The following VDAC1 variants were observed in gnomAD, a reference collection of about 807,000 sequenced individuals.
The protein encoded by VDAC1 is voltage dependent anion channel 1, also known as non-selective voltage-gated ion channel VDAC1.
In VDAC1, 10 loss-of-function variants were observed where a neutral mutation model predicts 34.7. The ratio of observed to expected loss-of-function variants is 0.29; its 90% confidence interval spans 0.18 to 0.49. The LOEUF is 0.49. Among genes scored for constraint, VDAC1 ranks in the 20% least tolerant of loss-of-function variants. The pLI is 0.99. For missense variants in VDAC1, 230 were observed against 347.9 expected (o/e 0.66, Z 2.69); for synonymous variants, 130 against 136.0 (o/e 0.96, Z 0.30).
At chr5:133,988,307 G>C (rs1258854518) in intron 5 of VDAC1, among the ~76,000 whole-genome samples, 1 of 151,958 alleles carries the variant, frequency 6.6e-6, no homozygotes, top group Non-Finnish European at 1.5e-5. Context: ...AAAAAGGGGG[G>C]CAGGTGCAGT....
chr5:134,096,608 T>TTA, the VDAC1 span, among the ~76,000 whole-genome samples: 12 of 151,366 alleles, frequency 7.9e-5, no homozygotes, highest in Non-Finnish European at 1.3e-4. Context: ...CTCTTCTTCT[T>TTA]TTTTTTATTT....
the VDAC1 span, among the ~76,000 whole-genome samples, chr5:134,070,326 A>G: frequency 6.6e-6 from 1 of 152,000 alleles, no homozygotes; most frequent in Non-Finnish European, 1.5e-5. Flanking sequence ...TATTTTTGGT[A>G]GAGATGGGGT....
chr5:134,088,011 C>T, the VDAC1 span, among the ~76,000 whole-genome samples: 5 of 146,246 alleles, frequency 3.4e-5, no homozygotes, highest in South Asian at 4.3e-4. Context: ...AAAAATTAGC[C>T]GGGCGTTGTA....
At chr5:134,068,135 A>C in the VDAC1 span, among the ~76,000 whole-genome samples, 1 of 152,136 alleles carries the variant, frequency 6.6e-6, no homozygotes, top group East Asian at 1.9e-4. Context: ...AATACAAAAC[A>C]AAAACAGAAT....
intron 2 of VDAC1, 48 bp downstream of exon 2, chr5:133,992,898 C>G: frequency 2.5e-6 from 4 of 1,578,360 alleles, no homozygotes; most frequent in Non-Finnish European, 3.5e-6. Context: ...CTCAAACATG[C>G]CAACTCAGTC....
At chr5:134,083,292 G>A in the VDAC1 span, among the ~76,000 whole-genome samples, 3 of 150,694 alleles carry the variant, frequency 2.0e-5, no homozygotes, top group South Asian at 2.1e-4. Context: ...GGGTTCAAGC[G>A]ATTCTCGTGC....
the VDAC1 span, among the ~76,000 whole-genome samples, chr5:134,106,317 T>G: frequency 6.6e-6 from 1 of 152,294 alleles, no homozygotes; most frequent in Middle Eastern, 3.4e-3. Flanking sequence ...TGTGTATATT[T>G]AACAAACACA....
At chr5:134,071,530 C>G in the VDAC1 span, among the ~76,000 whole-genome samples, 5 of 152,376 alleles carry the variant, frequency 3.3e-5, no homozygotes, top group African/African-American at 1.2e-4. This position sits in a 1 kb window ranked among gnomAD's most constrained non-coding sequence, Gnocchi z 4.1. Flanking sequence ...GCACTTTTGG[C>G]TGCGTGTGGT....
At chr5:134,004,753 G>C (rs1406405931) in intron 1 of VDAC1, 142 bp downstream of exon 1, 1 of 149,724 alleles carries the variant, frequency 6.7e-6, no homozygotes, top group Non-Finnish European at 1.5e-5. Context: ...TGGGCCAAGG[G>C]CGGGGCGGCG....
At chr5:133,980,286 G>A (rs1443613851) in intron 6 of VDAC1, among the ~76,000 whole-genome samples, 2 of 152,222 alleles carry the variant, frequency 1.3e-5, no homozygotes, top group Non-Finnish European at 2.9e-5. Context: ...TCACTGTACA[G>A]AGAAGATAGT....
the VDAC1 span, among the ~76,000 whole-genome samples, chr5:134,056,811 G>A: frequency 1.3e-5 from 2 of 152,064 alleles, no homozygotes; most frequent in Admixed American, 6.6e-5. Context: ...TTAGCCTCCC[G>A]AGTAGCTGAG....
At chr5:134,001,267 C>T (rs1460076376) in intron 1 of VDAC1, among the ~76,000 whole-genome samples, 2 of 152,158 alleles carry the variant, frequency 1.3e-5, no homozygotes, top group Admixed American at 6.6e-5. Flanking sequence ...TCTCTGTGCT[C>T]GAGTCTGCTG....
chr5:134,061,244 T>C, the VDAC1 span, among the ~76,000 whole-genome samples: 3 of 151,000 alleles, frequency 2.0e-5, no homozygotes, highest in African/African-American at 7.3e-5. Flanking sequence ...CTGTTCTTCC[T>C]GTTCCTCATC....
At chr5:133,982,667 A>G (rs1240312716) in intron 5 of VDAC1, among the ~76,000 whole-genome samples, 1 of 152,072 alleles carries the variant, frequency 6.6e-6, no homozygotes, top group African/African-American at 2.4e-5. Context: ...AGGTGGGTGG[A>G]TCACCTGAGG....
the VDAC1 span, among the ~76,000 whole-genome samples, chr5:134,046,754 C>A: frequency 6.6e-6 from 1 of 152,162 alleles, no homozygotes; most frequent in Non-Finnish European, 1.5e-5. Flanking sequence ...AAGCTTGTCT[C>A]CTAAAAAATG....
At chr5:133,978,144 A>G (rs1366704351) in intron 6 of VDAC1, among the ~76,000 whole-genome samples, 1 of 151,672 alleles carries the variant, frequency 6.6e-6, no homozygotes, top group Non-Finnish European at 1.5e-5. Context: ...CTCTCCCTAA[A>G]TCAGAGAATA....
At chr5:134,055,588 GTTTTTTTTTTTTTTTTT>G in the VDAC1 span, among the ~76,000 whole-genome samples, 5 of 59,628 alleles carry the variant, frequency 8.4e-5, no homozygotes, top group Admixed American at 2.3e-4. Context: ...CCCCGCTAAT[GTTTTTTTTTTTTTTTTT>G]TTTTTTTTTT....
At chr5:134,042,656 G>A in the VDAC1 span, among the ~76,000 whole-genome samples, 1 of 152,218 alleles carries the variant, frequency 6.6e-6, no homozygotes, top group East Asian at 1.9e-4. Flanking sequence ...ACTGTGCCTG[G>A]CTACTTTTTC....
chr5:134,055,823 T>G, the VDAC1 span, among the ~76,000 whole-genome samples: 2 of 152,020 alleles, frequency 1.3e-5, no homozygotes, highest in Non-Finnish European at 2.9e-5. Flanking sequence ...ATTATCTCAA[T>G]TGTTATCAGC....
Sources: allele counts gnomAD v4.1 joint callset (sites outside exome capture counted in the v4.1 genomes callset), GRCh38; gene constraint gnomAD v4.1.1; non-coding constraint Gnocchi (gnomAD v3.1); transcripts MANE v1.5; gene names NCBI Gene and HGNC (gene_info 2026-07-23, HGNC 2026-07-21).